FHL5: variants seen among roughly 807,000 people sequenced by gnomAD.
FHL5 encodes the protein four and a half LIM domains 5.
FHL5 carries 33 observed loss-of-function variants against 32.0 expected under a neutral mutation model. The observed-to-expected ratio is 1.03, with a 90% CI of 0.78 to 1.38. FHL5 has a LOEUF of 1.38. FHL5 is among the 40% of genes most tolerant of loss of function. The pLI is 0.00. For synonymous variants in FHL5, 114 were observed against 113.6 expected (o/e 1.00, Z -0.02); for missense variants, 336 against 343.9 (o/e 0.98, Z 0.18).
At chr6:96,597,137 A>G (rs971773367) in intron 1 of FHL5, among the ~76,000 whole-genome samples, 2 of 152,040 alleles carry the variant, frequency 1.3e-5, no homozygotes, top group African/African-American at 4.8e-5. Flanking sequence ...GACTTCATAC[A>G]TGGTTGTATT....
intron 1 of FHL5, among the ~76,000 whole-genome samples, chr6:96,571,336 A>C (rs1323565038): frequency 6.6e-6 from 1 of 152,164 alleles, no homozygotes; most frequent in Non-Finnish European, 1.5e-5. Flanking sequence ...TGGCAACATA[A>C]GTTTTTAATG....
At chr6:96,566,209 A>G (rs1770354132) in intron 1 of FHL5, among the ~76,000 whole-genome samples, 1 of 151,648 alleles carries the variant, frequency 6.6e-6, no homozygotes, top group African/African-American at 2.4e-5. Context: ...CTTCTATGAG[A>G]TTGACTTTTT....
Position 96,610,761 on chromosome 6 carries a change from G to A in FHL5, c.691+3G>A. ...AGCCTGTTCCAAACCCATTAGTGGTGAGTTCTTCAGTTCAATATGATCATG... is the reference window on the plus strand; with the variant it reads ...AGCCTGTTCCAAACCCATTAGTGGTAAGTTCTTCAGTTCAATATGATCATG... On this transcript the variant is annotated splice_donor_region_variant and intron_variant, in intron 5 of 5. Transcript: ENST00000450218. 2 of 1,602,574 alleles carry A rather than the reference G, an allele frequency of 1.2e-6. No individual in the cohort carries two copies. Among genetic ancestry groups the A allele is most frequent in the Non-Finnish European group, 1.7e-6 (2 of 1,171,346 alleles).
rs147226482 is a variant in FHL5 at position 96,603,737 on chromosome 6, G to C, written c.124G>C (p.Glu42Gln). ...CYDRVFSNYC[E>Q]ECKKPIESDS... Reference sequence around the variant, plus strand: ...TGATCGTGTATTTTCTAACTATTGCGAGGAATGCAAAAAACCAATTGAATC... The same window carrying C: ...TGATCGTGTATTTTCTAACTATTGCCAGGAATGCAAAAAACCAATTGAATC... The change falls in exon 2 of 6, where the codon GAG becomes CAG. Residue 42 changes from glutamate to glutamine, a missense_variant. Coordinates refer to ENST00000450218, the MANE Select transcript of FHL5 (RefSeq NM_001322466.2). The C allele has an allele frequency of 1.9e-6, 3 of 1,610,274 alleles. No homozygotes were observed. The highest frequency in any genetic ancestry group is 2.5e-6 in the Non-Finnish European group (3 of 1,178,548).
chr6:96,589,793 T>C (rs1210636962), intron 1 of FHL5, among the ~76,000 whole-genome samples: 1 of 152,068 alleles, frequency 6.6e-6, no homozygotes, highest in Non-Finnish European at 1.5e-5. Context: ...AAAGGATTAT[T>C]GCTTTGTCCT....
rs1770283560 is a variant in FHL5 at position 96,563,193 on chromosome 6, A to G, written c.-175A>G. On this transcript the variant is annotated 5_prime_UTR_variant, in exon 1 of 6. Coordinates refer to ENST00000450218, the MANE Select transcript of FHL5 (RefSeq NM_001322466.2). ...CAGGGACCCTTCTGTTTTCTCCTGC[A>G]AAGTTGAAAAAGCTGCATGCAGTTG... The G allele has an allele frequency of 6.6e-6, 1 of 152,190 alleles. No individual in the cohort carries two copies. Among genetic ancestry groups the G allele is most frequent in the Non-Finnish European group, 1.5e-5 (1 of 68,040 alleles). 9.4% of individuals were successfully genotyped at this position (152,190 alleles called of 1,614,324 possible). A position where few individuals can be genotyped will look rare whatever the true frequency, so the allele number is the denominator to read the frequency against.
At chr6:96,591,264 A>G (rs1305116024) in intron 1 of FHL5, among the ~76,000 whole-genome samples, 1 of 152,058 alleles carries the variant, frequency 6.6e-6, no homozygotes, top group African/African-American at 2.4e-5. Context: ...TAGTTGTCAT[A>G]ATTTTTTATT....
intron 1 of FHL5, among the ~76,000 whole-genome samples, chr6:96,599,802 T>C (rs563978415): frequency 4.6e-5 from 7 of 152,240 alleles, no homozygotes; most frequent in Non-Finnish European, 1.0e-4. Flanking sequence ...CTAGAAAAGT[T>C]GAATGCTAAC....
At chr6:96,576,283 T>G (rs1770582740) in intron 1 of FHL5, among the ~76,000 whole-genome samples, 1 of 152,244 alleles carries the variant, frequency 6.6e-6, no homozygotes, top group African/African-American at 2.4e-5. Context: ...TTACTGAGCC[T>G]TCAGCGTATG....
chr6:96,568,752 T>C (rs1043881404), intron 1 of FHL5, among the ~76,000 whole-genome samples: 2 of 151,866 alleles, frequency 1.3e-5, no homozygotes, highest in African/African-American at 4.8e-5. Context: ...TTTTGGTATA[T>C]AGCTGTTTAT....
intron 1 of FHL5, among the ~76,000 whole-genome samples, chr6:96,596,240 T>G (rs531266422): frequency 6.6e-6 from 1 of 152,056 alleles, no homozygotes; most frequent in African/African-American, 2.4e-5. Context: ...GTTTCCTGCT[T>G]TCTTTTTAGT....
chr6:96,607,503 C>A (rs558794047), intron 4 of FHL5, among the ~76,000 whole-genome samples: 60 of 152,152 alleles, frequency 3.9e-4, no homozygotes, highest in African/African-American at 1.4e-3. Context: ...GCTAAGTTAT[C>A]ATTATTAAAT....
At chr6:96,567,501 G>GT (rs1261460973) in intron 1 of FHL5, among the ~76,000 whole-genome samples, 10 of 151,748 alleles carry the variant, frequency 6.6e-5, no homozygotes, top group African/African-American at 1.9e-4. Flanking sequence ...AATTGTAGGA[G>GT]TTTTTTTCTG....
At chr6:96,592,036 C>G (rs1770930051) in intron 1 of FHL5, among the ~76,000 whole-genome samples, 1 of 152,168 alleles carries the variant, frequency 6.6e-6, no homozygotes, top group African/African-American at 2.4e-5. Flanking sequence ...GACCATAGGA[C>G]CGGGGCAAAA....
chr6:96,597,684 A>G (rs1771064313), intron 1 of FHL5, among the ~76,000 whole-genome samples: 2 of 152,160 alleles, frequency 1.3e-5, no homozygotes. Flanking sequence ...AGCCATTTAG[A>G]ATACAGTACT....
At chr6:96,570,184 G>A (rs1002775368) in intron 1 of FHL5, among the ~76,000 whole-genome samples, 3 of 152,000 alleles carry the variant, frequency 2.0e-5, no homozygotes, top group African/African-American at 7.2e-5. Flanking sequence ...AATTCCTTCA[G>A]TTTTTGCTTA....
chr6:96,611,753 GCAAACCC>G (rs917157051), intron 5 of FHL5, among the ~76,000 whole-genome samples: 14 of 152,206 alleles, frequency 9.2e-5, no homozygotes, highest in Middle Eastern at 3.4e-3. Context: ...AAGTTTCACA[GCAAACCC>G]CACCTTGGCA....
intron 1 of FHL5, among the ~76,000 whole-genome samples, chr6:96,572,912 A>C (rs1458538531): frequency 1.3e-5 from 2 of 152,162 alleles, no homozygotes; most frequent in Non-Finnish European, 2.9e-5. Context: ...AGTTTCTATT[A>C]GTTTTAAAAT....
chr6:96,574,484 T>C (rs911008354), intron 1 of FHL5, among the ~76,000 whole-genome samples: 21 of 152,198 alleles, frequency 1.4e-4, no homozygotes, highest in Admixed American at 5.9e-4. Context: ...AAATTTCATA[T>C]GTCAAAAATA....
Sources: allele counts gnomAD v4.1 joint callset (sites outside exome capture counted in the v4.1 genomes callset), GRCh38; gene constraint gnomAD v4.1.1; transcripts MANE v1.5; gene names NCBI Gene and HGNC (gene_info 2026-07-23, HGNC 2026-07-21).